Variants in SLCO1C1 observed in about 807,000 individuals in gnomAD.
SLCO1C1 encodes solute carrier organic anion transporter family member 1C1, also known as OAT-RP-5.
In SLCO1C1, 70 loss-of-function variants were observed where a neutral mutation model predicts 76.4. The observed-to-expected ratio is 0.92, with a 90% confidence interval of 0.76 to 1.12. The LOEUF is 1.12. Ranked by LOEUF, SLCO1C1 falls within the 50% of genes most tolerant of loss-of-function variation. The probability of loss-of-function intolerance (pLI) is 0.00; values close to 1 mark genes in which losing one functional copy is unlikely to be tolerated. For synonymous variants in SLCO1C1, 306 were observed against 286.1 expected, an observed-to-expected ratio of 1.07 and a Z score of -0.70; for missense variants, 912 against 823.8, an observed-to-expected ratio of 1.11 and a Z score of -1.31.
chr12:20,723,107 A>C lies in SLCO1C1; in HGVS notation c.1039A>C (p.Lys347Gln). The C allele has an allele frequency of 6.2e-7, 1 of 1,603,424 alleles. No homozygotes were observed. Among genetic ancestry groups the C allele is most frequent in the South Asian group, 1.1e-5 (1 of 88,610 alleles). ...EMARDFLPSL[K>Q]NLFGNPVYFL... is the part of the protein sequence containing the mutation. ...TTTTACAGATTTTCTTCCATCACTG[A>C]AGAATCTTTTTGGAAACCCAGTATA... Residue 347 changes from lysine (K) to glutamine (Q), a missense_variant, in exon 9 of 15, where the codon AAG becomes CAG. Physicochemically the swap from Lys to Gln is moderately conservative, Grantham distance 53 (BLOSUM62 1). Coordinates refer to ENST00000266509, the MANE Select transcript of SLCO1C1 (RefSeq NM_017435.5).
At chr12:20,749,367 G>A (rs1238513044) in intron 13 of SLCO1C1, among the ~76,000 whole-genome samples, 2 of 152,212 alleles carry the variant, frequency 1.3e-5, no homozygotes, top group African/African-American at 4.8e-5. Context: ...TGGACTCCAA[G>A]TGTAGGCAGC....
intron 3 of SLCO1C1, among the ~76,000 whole-genome samples, chr12:20,703,990 TAGAC>T (rs35061359): frequency 0.17 from 25,571 of 149,904 alleles, 2,593 homozygotes; most frequent in Admixed American, 0.25. Flanking sequence ...TGTGTGTGCA[TAGAC>T]AGACAGAAAA....
intron 13 of SLCO1C1, among the ~76,000 whole-genome samples, chr12:20,748,097 G>A (rs1005563831): frequency 2.0e-5 from 3 of 152,092 alleles, no homozygotes; most frequent in Admixed American, 2.0e-4. Flanking sequence ...CCCAATTACT[G>A]CTTAAATTCT....
chr12:20,750,978 C>T lies in SLCO1C1; in HGVS notation c.1916+186C>T, dbSNP rs559696382. The stretch of plus-strand genomic sequence containing the variant: ...ATTTGATTAGATCTTTGATTTTGTC[C>T]CTATTCATTACCTTGACCCCCATTT... On this transcript the variant is annotated intron_variant, in intron 14 of 14. Transcript: ENST00000266509. The T allele has an allele frequency of 1.1e-4, 128 of 1,172,860 alleles. 2 individuals carry two copies. The South Asian group carries it at 2.0e-3, about 18-fold the overall frequency. 72.7% of individuals were successfully genotyped at this position (1,172,860 alleles called of 1,614,324 possible).
At chr12:20,719,751 A>G (rs1489840417) in intron 7 of SLCO1C1, among the ~76,000 whole-genome samples, 2 of 152,240 alleles carry the variant, frequency 1.3e-5, no homozygotes, top group East Asian at 3.8e-4. Flanking sequence ...AAACAGGTTC[A>G]TGAGGTTTTA....
rs148405663 is a variant in SLCO1C1, at chr12:20,721,904, C to G, written c.876C>G (p.Phe292Leu). 1.2e-6 allele frequency: 2 copies of G among 1,614,146 alleles called. No individual in the cohort carries two copies. Among genetic ancestry groups the G allele is most frequent in the African/African-American group, 2.7e-5 (2 of 75,046 alleles). ...TAAGTCTTCTTGCAGCTGTGCCTTT[C>G]TGGTATTTACCAAAGAGTTTACCAA... ...GIISLLAAVP[F>L]WYLPKSLPRS... The change falls in exon 8 of 15, where the codon TTC becomes TTG. Residue 292 changes from phenylalanine to leucine, a missense_variant. By Grantham distance (22) the Phe-to-Leu change is conservative. Coordinates refer to ENST00000266509, the MANE Select transcript of SLCO1C1 (RefSeq NM_017435.5).
At chr12:20,719,415 G>A (rs1037655459) in intron 7 of SLCO1C1, among the ~76,000 whole-genome samples, 3 of 152,078 alleles carry the variant, frequency 2.0e-5, no homozygotes, top group African/African-American at 7.2e-5. Context: ...TAAAAGGAAA[G>A]CTAGAAAAGA....
In SLCO1C1 at chr12:20,728,418, A is replaced by C. The variant is rs1218110903; in HGVS notation, c.1187-4491A>C. On this transcript the variant is annotated intron_variant, in intron 9 of 14. Transcript: ENST00000266509. ...TTTCCTTCTCAATACAGAGACTGTA[A>C]TAATTTAGTCATTTTTGCATAATTT... is the stretch of plus-strand genomic sequence containing the variant. Among the ~76,000 whole-genome samples the C allele has an allele frequency of 2.0e-5, 3 of 152,040 alleles. No individual in the cohort carries two copies. In the East Asian group the frequency reaches 5.8e-4, roughly 29 times the overall value.
intron 13 of SLCO1C1, among the ~76,000 whole-genome samples, chr12:20,748,411 C>CA (rs1288514225): frequency 2.6e-5 from 4 of 152,150 alleles, no homozygotes; most frequent in Non-Finnish European, 5.9e-5. Flanking sequence ...AACATGCTGA[C>CA]ACCTCACTCC....
chr12:20,711,291 C>T (rs1289398411), intron 4 of SLCO1C1, 95 bp from the exon 5 acceptor site: 4 of 1,386,878 alleles, frequency 2.9e-6, no homozygotes, highest in East Asian at 2.4e-5. Context: ...GCTGCAAGCT[C>T]AACCTGGTAC....
rs79173992 is a variant in SLCO1C1 at position 20,711,313 on chromosome 12, G to A, written c.405-73G>A. ...GCTCAACCTGGTACCCTAACGATTC[G>A]TGTAGCATACACATAATATTCTTAG... On this transcript the variant is annotated intron_variant, in intron 4 of 14. Coordinates refer to ENST00000266509, the MANE Select transcript of SLCO1C1 (RefSeq NM_017435.5). 648 of 1,510,728 alleles carry A rather than the reference G, an allele frequency of 4.3e-4. 1 individual carries two copies. The African/African-American group carries it at 6.4e-3, about 15-fold the overall frequency. 93.6% of individuals were successfully genotyped at this position (1,510,728 alleles called of 1,614,324 possible). A position where few individuals can be genotyped will look rare whatever the true frequency, so the allele number is the denominator to read the frequency against.
At chr12:20,701,571 T>TA in intron 3 of SLCO1C1, 112 bp downstream of exon 3, 24 of 798,336 alleles carry the variant, frequency 3.0e-5, no homozygotes, top group Non-Finnish European at 3.7e-5. Context: ...ATTCATAAAA[T>TA]CTTTTTTTTT....
At chr12:20,723,363 T>C (rs1947778423) in intron 9 of SLCO1C1, 109 bp downstream of exon 9, 1 of 1,311,428 alleles carries the variant, frequency 7.6e-7, no homozygotes, top group Non-Finnish European at 1.1e-6. Context: ...ATTTATGACA[T>C]TTTAGATGAG....
intron 7 of SLCO1C1, 120 bp from the exon 8 acceptor site, chr12:20,721,684 G>C: frequency 8.0e-7 from 1 of 1,246,304 alleles, no homozygotes; most frequent in African/African-American, 1.5e-5. Context: ...AAATAGCATA[G>C]ATGAATTATT....
At position 20,721,975 on chromosome 12, in the gene SLCO1C1, A is replaced by C; in HGVS notation, c.947A>C (p.Lys316Thr). The change falls in exon 8 of 15, where the codon AAG becomes ACG. Residue 316 changes from lysine to threonine, a missense_variant. Transcript: ENST00000266509. ...TCTAATTCTTCCTCTGAGAAATCCA[A>C]GTTTATTATAGATGATCACACAGAC... ...EDSNSSSEKS[K>T]FIIDDHTDYQ... 1 of 1,614,160 alleles carries C rather than the reference A, an allele frequency of 6.2e-7. No individual in the cohort carries two copies. Among genetic ancestry groups the C allele is most frequent in the Non-Finnish European group, 8.5e-7 (1 of 1,180,006 alleles).
rs763904495 is a variant in SLCO1C1, at chr12:20,733,083, GACTA to G, written c.1365_1368del (p.Thr456SerfsTer81). 28 of 1,593,410 alleles carry G rather than the reference GACTA, an allele frequency of 1.8e-5. No individual in the cohort carries two copies. The highest frequency in any genetic ancestry group is 5.4e-5 in the African/African-American group (4 of 74,046). ...GGCTGTGAAAATTCTGATGTGGCAG[GACTA>G]ACTGTCTCCTACCAAGGGTATGTTC... is the stretch of plus-strand genomic sequence containing the variant. On this transcript the variant is annotated frameshift_variant, in exon 10 of 15. Coordinates refer to ENST00000266509, the MANE Select transcript of SLCO1C1 (RefSeq NM_017435.5). LOFTEE classifies it high-confidence loss of function.
At chr12:20,700,183 C>A (rs992476969) in intron 2 of SLCO1C1, 1 of 150,608 alleles carries the variant, frequency 6.6e-6, no homozygotes, top group African/African-American at 2.4e-5. Flanking sequence ...ACTACATCAA[C>A]TTATGTAACC....
At chr12:20,725,230 A>T (rs1947913821) in intron 9 of SLCO1C1, among the ~76,000 whole-genome samples, 1 of 139,410 alleles carries the variant, frequency 7.2e-6, no homozygotes, top group Non-Finnish European at 1.5e-5. Context: ...AGTTAAAGAA[A>T]GAAAAAATAC....
intron 13 of SLCO1C1, 84 bp from the exon 14 acceptor site, chr12:20,750,591 T>C: frequency 1.6e-6 from 2 of 1,263,522 alleles, no homozygotes; most frequent in Non-Finnish European, 2.3e-6. Flanking sequence ...AGTAATTAGA[T>C]TAAAGTAAGT....
Sources: allele counts gnomAD v4.1 joint callset (sites outside exome capture counted in the v4.1 genomes callset), GRCh38; gene constraint gnomAD v4.1.1; transcripts MANE v1.5; gene names NCBI Gene and HGNC (gene_info 2026-07-23, HGNC 2026-07-21).